PRKN: variants seen among roughly 807,000 people sequenced by gnomAD.
The protein encoded by PRKN is parkin RBR E3 ubiquitin protein ligase, also known as E3 ubiquitin-protein ligase parkin.
Under a neutral mutation model 59.5 loss-of-function variants are expected in PRKN, and 56 were observed. The ratio of observed to expected loss-of-function variants is 0.94; its 90% CI spans 0.76 to 1.18. The LOEUF (loss-of-function observed/expected upper bound fraction) is 1.18, where lower values mean the gene tolerates loss of function less well. PRKN is among the 50% of genes most tolerant of loss of function. The pLI is 0.00. For missense variants in PRKN, 657 were observed against 596.4 expected (o/e 1.10, Z -1.06); for synonymous variants, 250 against 222.1 (o/e 1.13, Z -1.12).
At chr6:162,555,038 A>G (rs189369543) in intron 1 of PRKN, among the ~76,000 whole-genome samples, 50 of 152,304 alleles carry the variant, frequency 3.3e-4, no homozygotes, top group African/African-American at 1.0e-3. Context: ...CAGACTTTTC[A>G]GCCACATGCA....
intron 1 of PRKN, among the ~76,000 whole-genome samples, chr6:162,588,357 A>G (rs1167161461): frequency 6.6e-6 from 1 of 151,942 alleles, no homozygotes; most frequent in Non-Finnish European, 1.5e-5. Context: ...TCAGTAAGAA[A>G]TAGGATGATC....
At chr6:162,684,850 A>G (rs1172563338) in intron 1 of PRKN, among the ~76,000 whole-genome samples, 1 of 152,188 alleles carries the variant, frequency 6.6e-6, no homozygotes, top group South Asian at 2.1e-4. Context: ...CAGATCTGTA[A>G]AATATACAAA....
At chr6:161,531,253 C>T (rs897228886) in intron 9 of PRKN, among the ~76,000 whole-genome samples, 11 of 151,754 alleles carry the variant, frequency 7.2e-5, no homozygotes, top group East Asian at 5.9e-4. Flanking sequence ...TGGTGGCGGG[C>T]GCCTGTAGTC....
chr6:162,393,155 C>CTTTTTTTTTTGTTTTT (rs1787292360), intron 2 of PRKN, among the ~76,000 whole-genome samples: 1 of 80,190 alleles, frequency 1.2e-5, no homozygotes, highest in East Asian at 5.9e-4. Context: ...ATAGGAGATT[C>CTTTTTTTTTTGTTTTT]TTTTTTTTTT....
intron 1 of PRKN, among the ~76,000 whole-genome samples, chr6:162,518,163 A>C (rs1187283293): frequency 6.6e-6 from 1 of 152,204 alleles, no homozygotes; most frequent in Non-Finnish European, 1.5e-5. Flanking sequence ...ATGGTGAGCT[A>C]ATCAGTTAAC....
At chr6:162,259,598 T>C (rs971709807) in intron 3 of PRKN, among the ~76,000 whole-genome samples, 1 of 152,240 alleles carries the variant, frequency 6.6e-6, no homozygotes, top group East Asian at 1.9e-4. Flanking sequence ...TGTTTGCATA[T>C]AGTCATTTCA....
At position 162,180,006 on chromosome 6, in the gene PRKN, GTA is replaced by G. The variant is rs1305060111; in HGVS notation, c.534+21123_534+21124del. On this transcript the variant is annotated intron_variant, in intron 4 of 11. Coordinates refer to ENST00000366898, the MANE Select transcript of PRKN (RefSeq NM_004562.3). Reference sequence around the variant, plus strand: ...TGTGTGTGTGTGTGTGTGTGTGTGTGTATGTGTGTAGCAAAGTCTACATCCTA... The same window carrying G: ...TGTGTGTGTGTGTGTGTGTGTGTGTGTGTGTGTAGCAAAGTCTACATCCTA... Among the ~76,000 whole-genome samples, 209 of 142,934 alleles carry G rather than the reference GTA, an allele frequency of 1.5e-3. 1 individual carries two copies. Among genetic ancestry groups the G allele is most frequent in the South Asian group, 5.1e-3 (21 of 4,090 alleles). 93.8% of individuals were successfully genotyped at this position (142,934 alleles called of 152,430 possible). A position where few individuals can be genotyped will look rare whatever the true frequency, so the allele number is the denominator to read the frequency against.
In PRKN at chr6:162,595,536, G is replaced by A. The variant is rs1490491151; in HGVS notation, c.7+132126C>T. On this transcript the variant is annotated intron_variant, in intron 1 of 11. Transcript: ENST00000366898. ...CTCCCAAAGTGCTGGGATTACAGGC[G>A]TGAGCCACTGCGCCTGGCTTGTTCC... Among the ~76,000 whole-genome samples, 4 of 152,056 alleles carry A rather than the reference G, an allele frequency of 2.6e-5. 1 individual carries two copies. The highest frequency in any genetic ancestry group is 4.1e-4 in the South Asian group (2 of 4,820).
At chr6:162,514,340 C>G (rs2128191389) in intron 1 of PRKN, among the ~76,000 whole-genome samples, 1 of 151,436 alleles carries the variant, frequency 6.6e-6, no homozygotes, top group South Asian at 2.1e-4. Flanking sequence ...AATTTATTTT[C>G]AAAGACAGAT....
chr6:162,032,544 T>C (rs929629600), intron 5 of PRKN, among the ~76,000 whole-genome samples: 10 of 152,118 alleles, frequency 6.6e-5, no homozygotes, highest in African/African-American at 2.4e-4. Context: ...AATTTCATGT[T>C]TACTAGCTAC....
intron 9 of PRKN, among the ~76,000 whole-genome samples, chr6:161,441,888 C>T (rs1422924311): frequency 6.6e-6 from 1 of 152,124 alleles, no homozygotes; most frequent in East Asian, 1.9e-4. Flanking sequence ...CTGAGAAGAG[C>T]GTCTGGCGGC....
chr6:161,495,867 G>A (rs1293189470), intron 9 of PRKN, among the ~76,000 whole-genome samples: 1 of 152,162 alleles, frequency 6.6e-6, no homozygotes. Context: ...CTTTATTTCA[G>A]CAGGGAGGCC....
At chr6:161,430,338 C>T (rs1788581458) in intron 9 of PRKN, among the ~76,000 whole-genome samples, 1 of 152,214 alleles carries the variant, frequency 6.6e-6, no homozygotes, top group Admixed American at 6.5e-5. Flanking sequence ...CCTCTTAACA[C>T]TATTACACTG....
intron 10 of PRKN, among the ~76,000 whole-genome samples, chr6:161,367,540 G>A (rs918687106): frequency 6.6e-6 from 1 of 151,548 alleles, no homozygotes; most frequent in African/African-American, 2.4e-5. Context: ...AGGGCATGAA[G>A]CAGTTCTGTT....
At chr6:162,024,476 C>T (rs866258950) in intron 5 of PRKN, among the ~76,000 whole-genome samples, 83 of 152,268 alleles carry the variant, frequency 5.5e-4, no homozygotes, top group Middle Eastern at 6.8e-3. Context: ...GGATTATAGG[C>T]GTGAGCCACA....
intron 9 of PRKN, among the ~76,000 whole-genome samples, chr6:161,521,221 GA>G (rs5881415): frequency 0.66 from 99,565 of 151,856 alleles, 32,627 homozygotes; most frequent in Middle Eastern, 0.73. Flanking sequence ...ATAAGAGAGT[GA>G]CAAACAGTGA....
chr6:162,263,401 C>A (rs903791310), intron 2 of PRKN: 1 of 166,296 alleles, frequency 6.0e-6, no homozygotes, highest in African/African-American at 2.4e-5. Flanking sequence ...TCCACACACA[C>A]CGCTCCACGG....
intron 7 of PRKN, among the ~76,000 whole-genome samples, chr6:161,784,303 T>C (rs1790326342): frequency 6.6e-6 from 1 of 152,170 alleles, no homozygotes; most frequent in African/African-American, 2.4e-5. Flanking sequence ...TTGCATTTCA[T>C]CAAAACTAGA....
chr6:161,585,609 A>G (rs911854849), intron 7 of PRKN, among the ~76,000 whole-genome samples: 1 of 152,202 alleles, frequency 6.6e-6, no homozygotes, highest in Non-Finnish European at 1.5e-5. Context: ...CTCAAACCGA[A>G]TAAGAATTTC....
Sources: allele counts gnomAD v4.1 joint callset (sites outside exome capture counted in the v4.1 genomes callset), GRCh38; gene constraint gnomAD v4.1.1; transcripts MANE v1.5; gene names NCBI Gene and HGNC (gene_info 2026-07-23, HGNC 2026-07-21).